The following FREM3 variants were observed in gnomAD, a reference collection of about 807,000 sequenced individuals.
The protein encoded by FREM3 is FRAS1 related extracellular matrix 3.
In FREM3, 105 loss-of-function variants were observed where a neutral mutation model predicts 129.1. That is an observed-to-expected ratio of 0.81 (90% CI 0.69 to 0.96). FREM3 has a LOEUF of 0.96. Among genes scored for constraint, FREM3 ranks in the 40% least tolerant of loss-of-function variants. FREM3 has a pLI of 0.00. For missense variants in FREM3, 2,593 were observed against 2,666.3 expected (o/e 0.97, Z 0.61); for synonymous variants, 1,014 against 1,044.9 (o/e 0.97, Z 0.57).
At chr4:143,578,092 G>C (rs1483549493) in intron 7 of FREM3, among the ~76,000 whole-genome samples, 2 of 152,208 alleles carry the variant, frequency 1.3e-5, no homozygotes, top group Non-Finnish European at 2.9e-5. Flanking sequence ...GTCTAGACCA[G>C]GCACATCACC....
intron 6 of FREM3, among the ~76,000 whole-genome samples, chr4:143,608,805 T>C (rs1738707297): frequency 6.6e-6 from 1 of 152,130 alleles, no homozygotes. Context: ...GGGTTAGGCC[T>C]TGGAAAAATA....
chr4:143,692,267 C>T (rs1034294610), intron 2 of FREM3, among the ~76,000 whole-genome samples: 32 of 152,168 alleles, frequency 2.1e-4, no homozygotes, highest in South Asian at 8.3e-4. Flanking sequence ...CAAGGTCACA[C>T]GGGACAAGTT....
Position 143,669,654 on chromosome 4 carries a change from C to T in FREM3, c.5275+23459G>A, listed in dbSNP as rs541214255. On this transcript the variant is annotated intron_variant, in intron 2 of 7. Coordinates refer to ENST00000329798, the MANE Select transcript of FREM3 (RefSeq NM_001168235.2). ...CATGTATTCAACTGCTTTTTCAGTTCGGAAAAAAAAAAAAAACCACAAGTC... is the reference window on the plus strand; with the variant it reads ...CATGTATTCAACTGCTTTTTCAGTTTGGAAAAAAAAAAAAAACCACAAGTC... 6.2e-5 allele frequency among the ~76,000 whole-genome samples: 9 copies of T among 145,402 alleles called. No individual in the cohort carries two copies. The East Asian group carries it at 1.4e-3, about 23-fold the overall frequency.
chr4:143,615,848 C>G (rs1189939724), intron 5 of FREM3, among the ~76,000 whole-genome samples: 3 of 152,176 alleles, frequency 2.0e-5, no homozygotes, highest in African/African-American at 4.8e-5. Context: ...GTGGTATCCC[C>G]CCAAGAGCAG....
At chr4:143,627,571 G>A (rs1739062819) in intron 3 of FREM3, 43 bp downstream of exon 3, 4 of 1,464,590 alleles carry the variant, frequency 2.7e-6, no homozygotes, top group Middle Eastern at 1.7e-4. Flanking sequence ...CAGATTTCAT[G>A]TTTCCATGAC....
At chr4:143,618,681 G>T (rs1225351477) in intron 5 of FREM3, among the ~76,000 whole-genome samples, 1 of 152,154 alleles carries the variant, frequency 6.6e-6, no homozygotes, top group Non-Finnish European at 1.5e-5. Flanking sequence ...ATCACTTGAA[G>T]TCAGGAGTTC....
At chr4:143,665,217 A>G (rs1739834590) in intron 2 of FREM3, among the ~76,000 whole-genome samples, 2 of 151,860 alleles carry the variant, frequency 1.3e-5, no homozygotes, top group African/African-American at 2.4e-5. Context: ...AGCTGTTCCT[A>G]TTTGGCCATC....
At chr4:143,590,732 T>C (rs2149834808) in intron 6 of FREM3, among the ~76,000 whole-genome samples, 2 of 152,332 alleles carry the variant, frequency 1.3e-5, no homozygotes, top group South Asian at 4.1e-4. Flanking sequence ...GGCTTTGGTA[T>C]CAGGATGATG....
intron 2 of FREM3, among the ~76,000 whole-genome samples, chr4:143,659,552 G>A (rs899134868): frequency 5.3e-5 from 8 of 150,924 alleles, no homozygotes; most frequent in African/African-American, 2.0e-4. Context: ...ACGTGTGCAT[G>A]TGTCTTTATA....
chr4:143,589,175 G>C (rs536935704), intron 6 of FREM3, among the ~76,000 whole-genome samples: 3 of 152,002 alleles, frequency 2.0e-5, no homozygotes, highest in Admixed American at 6.6e-5. Flanking sequence ...AAAAATTTTC[G>C]CCCATTCTGT....
chr4:143,583,927 C>T (rs2149833150), intron 7 of FREM3, among the ~76,000 whole-genome samples: 1 of 152,302 alleles, frequency 6.6e-6, no homozygotes, highest in Middle Eastern at 3.4e-3. Context: ...CCGCTAACAA[C>T]AAGATGACAG....
chr4:143,692,503 A>G (rs576761497), intron 2 of FREM3, among the ~76,000 whole-genome samples: 15 of 152,262 alleles, frequency 9.9e-5, no homozygotes, highest in African/African-American at 2.6e-4. Context: ...TTCTGACCAC[A>G]TAATCATTGA....
intron 2 of FREM3, among the ~76,000 whole-genome samples, chr4:143,685,401 C>T (rs915313407): frequency 1.3e-5 from 2 of 152,128 alleles, no homozygotes; most frequent in African/African-American, 2.4e-5. Context: ...CAAAAGTAAG[C>T]ATCATATATG....
intron 2 of FREM3, among the ~76,000 whole-genome samples, chr4:143,644,346 G>A (rs1162547507): frequency 6.6e-6 from 1 of 151,970 alleles, no homozygotes; most frequent in Non-Finnish European, 1.5e-5. Context: ...TTTCCGTAAG[G>A]TCATTTAGTT....
intron 7 of FREM3, among the ~76,000 whole-genome samples, chr4:143,578,442 AGAAACCCCT>A (rs1738078180): frequency 6.6e-6 from 1 of 152,272 alleles, no homozygotes; most frequent in Admixed American, 6.5e-5. Context: ...GGAATTAAAT[AGAAACCCCT>A]GAGTGATATA....
chr4:143,589,231 G>A (rs947901680), intron 6 of FREM3, among the ~76,000 whole-genome samples: 1 of 152,154 alleles, frequency 6.6e-6, no homozygotes. Flanking sequence ...CTGTGCAGAA[G>A]TTCTTTAGTT....
rs1401134733 is a variant in FREM3, at chr4:143,697,049, C to T, written c.3627G>A (p.Leu1209=). The part of the protein sequence containing the change: ...HEFKVLEGMS[L]VIDTQLLNGA... ...CATTAAGCAGCTGGGTGTCTATGAC[C>T]AGGCTCATCCCCTCTAGTACCTTAA... is the stretch of plus-strand genomic sequence containing the variant. Residue 1209 remains leucine (L), a synonymous_variant, in exon 1 of 8, where the codon CTG becomes CTA. Coordinates refer to ENST00000329798, the MANE Select transcript of FREM3 (RefSeq NM_001168235.2). The T allele has an allele frequency of 6.5e-7, 1 of 1,537,530 alleles. No homozygotes were observed. The highest frequency in any genetic ancestry group is 2.4e-5 in the East Asian group (1 of 40,904).
At chr4:143,658,370 C>G (rs1739637279) in intron 2 of FREM3, among the ~76,000 whole-genome samples, 2 of 152,216 alleles carry the variant, frequency 1.3e-5, no homozygotes, top group African/African-American at 4.8e-5. Flanking sequence ...AACAGGCCCT[C>G]ACCAGATACC....
At chr4:143,647,744 T>G (rs771913735) in intron 2 of FREM3, among the ~76,000 whole-genome samples, 2 of 152,162 alleles carry the variant, frequency 1.3e-5, no homozygotes, top group African/African-American at 2.4e-5. Context: ...TGTATGGAAG[T>G]GCCTGGATGT....
Sources: allele counts gnomAD v4.1 joint callset (sites outside exome capture counted in the v4.1 genomes callset), GRCh38; gene constraint gnomAD v4.1.1; transcripts MANE v1.5; gene names NCBI Gene and HGNC (gene_info 2026-07-23, HGNC 2026-07-21).